TCF4: variants seen among roughly 807,000 people sequenced by gnomAD.
TCF4 encodes the protein SL3-3 enhancer factor 2.
In TCF4, 3 loss-of-function variants were observed where a neutral mutation model predicts 82.1. The observed-to-expected ratio is 0.04, with a 90% CI of 0.02 to 0.09. The LOEUF is 0.09. Among genes scored for constraint, TCF4 ranks in the 10% least tolerant of loss-of-function variants. The probability of loss-of-function intolerance (pLI) is 1.00; values close to 1 mark genes in which losing one functional copy is unlikely to be tolerated. For synonymous variants in TCF4, 276 were observed against 309.6 expected (o/e 0.89, Z 1.14); for missense variants, 518 against 852.7 (o/e 0.61, Z 4.89).
intron 15 of TCF4, among the ~76,000 whole-genome samples, chr18:55,240,355 A>G (rs1289585017): frequency 6.6e-6 from 1 of 152,228 alleles, no homozygotes. Flanking sequence ...ACCCATTGAT[A>G]CAGAAAACAG....
At chr18:55,242,560 A>G (rs945595816) in intron 15 of TCF4, among the ~76,000 whole-genome samples, 6 of 152,084 alleles carry the variant, frequency 3.9e-5, no homozygotes, top group Admixed American at 3.9e-4. Flanking sequence ...AAGGCACTAC[A>G]TGGGCATTTG....
At chr18:55,261,982 C>T (rs1313538406) in intron 11 of TCF4, among the ~76,000 whole-genome samples, 2 of 152,202 alleles carry the variant, frequency 1.3e-5, no homozygotes, top group Non-Finnish European at 2.9e-5. Flanking sequence ...GGGTATTCGT[C>T]TCACAGTCCT....
chr18:55,368,500 G>C (rs1331086710), intron 6 of TCF4, among the ~76,000 whole-genome samples: 1 of 151,922 alleles, frequency 6.6e-6, no homozygotes, highest in Non-Finnish European at 1.5e-5. Flanking sequence ...AAACAAACTT[G>C]GTCTTCTTAA....
chr18:55,585,393 C>T (rs2097630831), intron 2 of TCF4, 41 bp from the exon 3 acceptor site: 2 of 1,564,990 alleles, frequency 1.3e-6, no homozygotes, highest in Middle Eastern at 1.7e-4. Context: ...AAAGAAGACA[C>T]TTGTGCCTTC....
At chr18:55,569,971 G>A (rs1380995278) in intron 3 of TCF4, among the ~76,000 whole-genome samples, 4 of 152,176 alleles carry the variant, frequency 2.6e-5, no homozygotes, top group South Asian at 4.1e-4. Flanking sequence ...TATGGGACAC[G>A]AAAAGTGGGG....
At chr18:55,554,706 C>G (rs1203913821) in intron 3 of TCF4, among the ~76,000 whole-genome samples, 2 of 152,178 alleles carry the variant, frequency 1.3e-5, no homozygotes, top group Non-Finnish European at 2.9e-5. Flanking sequence ...TGTACAACCC[C>G]AGGGGGTGCC....
chr18:55,444,657 G>A (rs2095495782), intron 5 of TCF4, among the ~76,000 whole-genome samples: 1 of 152,186 alleles, frequency 6.6e-6, no homozygotes, highest in African/African-American at 2.4e-5. Flanking sequence ...CCTTGTTGGT[G>A]GTGGTTCATG....
At chr18:55,595,524 A>G (rs1051054198) in intron 2 of TCF4, among the ~76,000 whole-genome samples, 13 of 152,350 alleles carry the variant, frequency 8.5e-5, no homozygotes, top group Non-Finnish European at 1.5e-4. Context: ...CAAGTCATAC[A>G]TAACAGATTG....
At chr18:55,513,356 T>A (rs936954643) in intron 3 of TCF4, among the ~76,000 whole-genome samples, 22 of 132,806 alleles carry the variant, frequency 1.7e-4, no homozygotes, top group African/African-American at 6.4e-4. Context: ...GTCTTATCAT[T>A]CCTAGCCCTC....
At chr18:55,349,757 G>A (rs1007399362) in intron 8 of TCF4, among the ~76,000 whole-genome samples, 1 of 151,834 alleles carries the variant, frequency 6.6e-6, no homozygotes, top group African/African-American at 2.4e-5. Flanking sequence ...CTGGGGGTGG[G>A]TGGGGGATAT....
chr18:55,463,942 A>C, intron 4 of TCF4, 134 bp downstream of exon 4: 1 of 807,116 alleles, frequency 1.2e-6, no homozygotes, highest in Non-Finnish European at 2.1e-6. Context: ...GTGCATGCCC[A>C]TGCCTCTGTG....
chr18:55,228,451 T>C (rs1273528094), intron 18 of TCF4, 90 bp from the exon 19 acceptor site: 58 of 1,541,884 alleles, frequency 3.8e-5, no homozygotes, highest in Non-Finnish European at 5.1e-5. Flanking sequence ...TCTGACCTTT[T>C]TCTCAGTGTT....
intron 9 of TCF4, among the ~76,000 whole-genome samples, 164 bp from the exon 10 acceptor site, chr18:55,275,916 C>T (rs560127951): frequency 6.6e-6 from 1 of 152,228 alleles, no homozygotes; most frequent in East Asian, 1.9e-4. Context: ...CCAAGTGGCT[C>T]TATATTGTCA....
intron 8 of TCF4, among the ~76,000 whole-genome samples, chr18:55,296,211 T>C (rs1245784603): frequency 1.3e-5 from 2 of 152,028 alleles, no homozygotes; most frequent in African/African-American, 4.8e-5. Flanking sequence ...CAGGCGATAG[T>C]GCTAGTCCAA....
chr18:55,508,531 T>C (rs1483704449), intron 3 of TCF4, among the ~76,000 whole-genome samples: 1 of 151,340 alleles, frequency 6.6e-6, no homozygotes, highest in Admixed American at 6.6e-5. Context: ...GTTCTCAATG[T>C]TAGATGCATT....
chr18:55,588,284 C>G (rs1248291527), upstream of TCF4: 5 of 1,442,094 alleles, frequency 3.5e-6, no homozygotes, highest in East Asian at 2.5e-5. Flanking sequence ...GGAAACACGC[C>G]GAGGCGCACG....
chr18:55,514,405 G>GCA (rs74182104), intron 3 of TCF4, among the ~76,000 whole-genome samples: 13,338 of 130,124 alleles, frequency 0.1, 601 homozygotes, highest in South Asian at 0.11. Context: ...ATCTATCCAT[G>GCA]CACACACACA....
intron 8 of TCF4, chr18:55,302,701 G>A: frequency 7.8e-7 from 1 of 1,286,692 alleles, no homozygotes; most frequent in Non-Finnish European, 1.0e-6. Context: ...CCGGGAGGAG[G>A]GCATGAAGAA....
intron 15 of TCF4, among the ~76,000 whole-genome samples, chr18:55,251,930 G>GTGTTT (rs760363267): frequency 3.9e-5 from 4 of 101,272 alleles, no homozygotes; most frequent in Admixed American, 1.0e-4. Flanking sequence ...GGGGGATGAG[G>GTGTTT]TTTTTTTTTT....
Sources: gnomAD v4.1 joint callset for allele counts (sites outside exome capture counted in the v4.1 genomes callset) on GRCh38, gnomAD v4.1.1 for gene constraint, MANE v1.5 for transcripts, NCBI Gene and HGNC (gene_info 2026-07-23, HGNC 2026-07-21) for gene names.